The following MCUB variants were observed in gnomAD, a reference collection of about 807,000 sequenced individuals.
MCUB encodes the protein calcium uniporter regulatory subunit MCUb, mitochondrial.
MCUB carries 46 observed loss-of-function variants against 41.4 expected under a neutral mutation model. The observed-to-expected ratio is 1.11, with a 90% CI of 0.88 to 1.42. The LOEUF (loss-of-function observed/expected upper bound fraction) is 1.42, where lower values mean the gene tolerates loss of function less well. Among genes scored for constraint, MCUB ranks in the 40% most tolerant of loss-of-function variants. The pLI, the probability that MCUB is intolerant of heterozygous loss-of-function variation, is 0.00. For synonymous variants in MCUB, 148 were observed against 148.2 expected (o/e 1.00, Z 0.01); for missense variants, 403 against 404.9 (o/e 1.00, Z 0.04).
intron 2 of MCUB, 104 bp downstream of exon 2, chr4:109,659,190 T>TC: frequency 2.8e-6 from 2 of 718,618 alleles, no homozygotes; most frequent in Non-Finnish European, 4.9e-6. Flanking sequence ...TCTTACACTA[T>TC]CCCCATCCCA....
intron 7 of MCUB, among the ~76,000 whole-genome samples, chr4:109,685,608 GTAAAA>G (rs1170886627): frequency 1.3e-5 from 2 of 152,128 alleles, no homozygotes; most frequent in East Asian, 1.9e-4. Flanking sequence ...ACTTGAGATA[GTAAAA>G]TAAAAGTTTT....
chr4:109,657,603 G>A (rs1729134104), intron 1 of MCUB, among the ~76,000 whole-genome samples: 1 of 152,234 alleles, frequency 6.6e-6, no homozygotes, highest in Non-Finnish European at 1.5e-5. Context: ...CAGCCACCGT[G>A]TTGTGACTTT....
intron 4 of MCUB, among the ~76,000 whole-genome samples, chr4:109,674,407 A>G (rs1365593494): frequency 1.3e-5 from 2 of 152,204 alleles, no homozygotes; most frequent in African/African-American, 4.8e-5. Context: ...TTTTAAGATG[A>G]ACTTAGTTCT....
intron 1 of MCUB, among the ~76,000 whole-genome samples, chr4:109,610,933 A>G (rs1727995496): frequency 6.6e-6 from 1 of 152,220 alleles, no homozygotes; most frequent in Non-Finnish European, 1.5e-5. Flanking sequence ...ACCCAGATCC[A>G]TAGGCCTGTG....
intron 1 of MCUB, among the ~76,000 whole-genome samples, chr4:109,570,218 G>A (rs1334403774): frequency 6.6e-6 from 1 of 151,972 alleles, no homozygotes; most frequent in Non-Finnish European, 1.5e-5. Flanking sequence ...TTTATGTATT[G>A]AGCTTACCAC....
chr4:109,595,565 T>C (rs1818375), intron 1 of MCUB, among the ~76,000 whole-genome samples: 1 of 147,642 alleles, frequency 6.8e-6, no homozygotes, highest in East Asian at 2.0e-4. Flanking sequence ...AAATTTAAAT[T>C]AAATAAAATA....
intron 1 of MCUB, among the ~76,000 whole-genome samples, chr4:109,628,319 A>G (rs939306420): frequency 6.6e-6 from 1 of 152,234 alleles, no homozygotes. Flanking sequence ...GAAACAGAAG[A>G]TGAAATAAAG....
In MCUB at chr4:109,660,225, C is replaced by A; in HGVS notation, c.206C>A (p.Pro69His). The A allele has an allele frequency of 6.3e-7, 1 of 1,589,746 alleles. No homozygotes were observed. The highest frequency in any genetic ancestry group is 8.6e-7 in the Non-Finnish European group (1 of 1,162,022). ...EITVIYRHGL[P>H]LVTLTLPSRK... The stretch of plus-strand genomic sequence containing the variant: ...ACAGTTATTTATAGACATGGCCTTC[C>A]CTTGGTAACACTTACCTTGCCATCT... Residue 69 changes from proline to histidine, a missense_variant, in exon 3 of 8, where the codon CCC becomes CAC. Transcript: ENST00000394650.
chr4:109,660,459 T>G (rs1239182057), intron 3 of MCUB, 94 bp downstream of exon 3: 1 of 604,492 alleles, frequency 1.7e-6, no homozygotes, highest in Non-Finnish European at 2.8e-6. Context: ...GTACATTGTT[T>G]AATTCATTAG....
In MCUB at chr4:109,685,331, G is replaced by A. The variant is rs765178657; in HGVS notation, c.897G>A (p.Val299=). ...AATCAAAGCAACAGCACTTTGATGT[G>A]CAGCAATACAACAAGTTAAAAGAAG... ...HKKSKQQHFD[V]QQYNKLKEDL... Residue 299 remains valine (V), a synonymous_variant, in exon 7 of 8, where the codon GTG becomes GTA. Transcript: ENST00000394650. 20 of 1,578,660 alleles carry A rather than the reference G, an allele frequency of 1.3e-5. No homozygotes were observed. The East Asian group carries it at 4.5e-4, about 35-fold the overall frequency.
intron 1 of MCUB, among the ~76,000 whole-genome samples, chr4:109,614,726 CT>C (rs1310438613): frequency 6.6e-6 from 1 of 151,526 alleles, no homozygotes; most frequent in Non-Finnish European, 1.5e-5. Flanking sequence ...ATCCGTCATC[CT>C]TTCCTGATGT....
intron 4 of MCUB, chr4:109,674,049 C>A (rs748333916): frequency 5.9e-5 from 81 of 1,366,056 alleles, no homozygotes; most frequent in Non-Finnish European, 8.3e-5. Context: ...TAGCCCAAGG[C>A]TTTGTTGTAG....
At chr4:109,676,911 T>C (rs1178339480) in intron 4 of MCUB, among the ~76,000 whole-genome samples, 2 of 152,180 alleles carry the variant, frequency 1.3e-5, no homozygotes, top group Non-Finnish European at 2.9e-5. Context: ...GAATGTAAAA[T>C]ATTTGGAAAA....
chr4:109,673,874 C>T, intron 4 of MCUB: 2 of 771,724 alleles, frequency 2.6e-6, no homozygotes, highest in Non-Finnish European at 2.4e-6. Context: ...TCTCTTCCTT[C>T]ATATGAGGAA....
intron 1 of MCUB, among the ~76,000 whole-genome samples, chr4:109,570,755 A>G (rs1726894920): frequency 6.6e-6 from 1 of 152,254 alleles, no homozygotes; most frequent in South Asian, 2.1e-4. Flanking sequence ...GTGGGATGAG[A>G]TAAGTACGTT....
At chr4:109,615,689 A>G (rs1053006798) in intron 1 of MCUB, among the ~76,000 whole-genome samples, 8 of 152,120 alleles carry the variant, frequency 5.3e-5, no homozygotes, top group South Asian at 2.1e-4. Context: ...GATTACAGGC[A>G]TGAGCCACCG....
chr4:109,666,783 C>T lies in MCUB; in HGVS notation c.451+2389C>T, dbSNP rs142006571. ...GAAATTGCCCTCTGTTCCTGGTTTG[C>T]TGAGAGTCTTCATTGTGAATTGGTG... is the stretch of plus-strand genomic sequence containing the variant. On this transcript the variant is annotated intron_variant, in intron 4 of 7. Transcript: ENST00000394650. Among the ~76,000 whole-genome samples, 1,028 of 152,228 alleles carry T rather than the reference C, an allele frequency of 6.8e-3. 9 individuals are homozygous for T. Among genetic ancestry groups the T allele is most frequent in the African/African-American group, 0.023 (964 of 41,546 alleles).
intron 1 of MCUB, among the ~76,000 whole-genome samples, chr4:109,582,560 C>CAAAAAA (rs35609064): frequency 2.7e-4 from 38 of 143,306 alleles, no homozygotes; most frequent in African/African-American, 9.3e-4. Context: ...CACAGTTTAA[C>CAAAAAA]AAAAAAAAAA....
At chr4:109,568,299 A>G (rs553992797) in intron 1 of MCUB, among the ~76,000 whole-genome samples, 144 of 152,272 alleles carry the variant, frequency 9.5e-4, no homozygotes, top group African/African-American at 3.0e-3. Flanking sequence ...TGGGTTTGTT[A>G]TTATTGAAAC....
Sources: allele counts gnomAD v4.1 joint callset (sites outside exome capture counted in the v4.1 genomes callset), GRCh38; gene constraint gnomAD v4.1.1; transcripts MANE v1.5; gene names NCBI Gene and HGNC (gene_info 2026-07-23, HGNC 2026-07-21).